Variants in DISP1 observed in about 807,000 individuals in gnomAD.
DISP1 encodes the protein protein dispatched homolog 1.
DISP1 carries 30 observed loss-of-function variants against 37.3 expected under a neutral mutation model. That is an observed-to-expected ratio of 0.80 (90% confidence interval 0.60 to 1.09). The LOEUF (loss-of-function observed/expected upper bound fraction) is 1.09. DISP1 is among the 50% of genes least tolerant of loss of function. DISP1 has a pLI of 0.00. For synonymous variants in DISP1, 634 were observed against 690.2 expected (o/e 0.92, Z 1.28); for missense variants, 1,598 against 1,879.5 (o/e 0.85, Z 2.77).
At chr1:222,984,652 CT>C (rs918155351) in intron 4 of DISP1, among the ~76,000 whole-genome samples, 5 of 151,262 alleles carry the variant, frequency 3.3e-5, no homozygotes, top group Non-Finnish European at 7.4e-5. Context: ...TATATGTTGC[CT>C]TTTAACTATT....
intron 1 of DISP1, among the ~76,000 whole-genome samples, chr1:222,861,925 A>G (rs1668899872): frequency 6.9e-6 from 1 of 144,858 alleles, no homozygotes; most frequent in Non-Finnish European, 1.6e-5. Flanking sequence ...CTACTTCATG[A>G]AAAATGTGTT....
chr1:222,991,441 T>C (rs926998575), intron 5 of DISP1, 79 bp from the exon 6 acceptor site: 1 of 1,574,090 alleles, frequency 6.4e-7, no homozygotes, highest in Non-Finnish European at 8.7e-7. Context: ...CACTTTGACA[T>C]TGCTTTCCCA....
intron 1 of DISP1, among the ~76,000 whole-genome samples, chr1:222,863,636 G>A (rs1227569564): frequency 6.6e-6 from 1 of 151,630 alleles, no homozygotes; most frequent in Non-Finnish European, 1.5e-5. Flanking sequence ...TCTGTCATTC[G>A]ATTCTTCCAC....
At chr1:222,991,387 G>A in intron 5 of DISP1, 133 bp from the exon 6 acceptor site, 3 of 1,038,176 alleles carry the variant, frequency 2.9e-6, no homozygotes, top group Non-Finnish European at 4.5e-6. Flanking sequence ...CACCTCTGGA[G>A]TAGCTGTGAG....
intron 1 of DISP1, among the ~76,000 whole-genome samples, chr1:222,830,744 T>C (rs554172855): frequency 1.3e-5 from 2 of 152,348 alleles, no homozygotes; most frequent in African/African-American, 4.8e-5. Context: ...TTGGTTGGTC[T>C]TCCCAACACA....
chr1:222,994,844 T>G (rs1215385441), intron 7 of DISP1, 41 bp from the exon 8 acceptor site: 2 of 1,430,446 alleles, frequency 1.4e-6, no homozygotes, highest in African/African-American at 2.8e-5. Context: ...AATGAATAAT[T>G]TATAAACCTT....
intron 2 of DISP1, among the ~76,000 whole-genome samples, chr1:222,934,671 T>C (rs1001205421): frequency 6.6e-6 from 1 of 152,162 alleles, no homozygotes; most frequent in African/African-American, 2.4e-5. Flanking sequence ...GAAAGATACC[T>C]GATGTGAAGA....
At chr1:222,874,338 G>A (rs1036209660) in intron 1 of DISP1, among the ~76,000 whole-genome samples, 2 of 152,186 alleles carry the variant, frequency 1.3e-5, no homozygotes, top group Non-Finnish European at 2.9e-5. Flanking sequence ...CTAGATTGAG[G>A]AAGTTCTCCT....
chr1:222,972,602 G>A (rs1047957849), intron 3 of DISP1, among the ~76,000 whole-genome samples: 23 of 152,176 alleles, frequency 1.5e-4, no homozygotes, highest in Non-Finnish European at 3.4e-4. Flanking sequence ...TTGACACAAG[G>A]TTTGTTTCCT....
intron 3 of DISP1, among the ~76,000 whole-genome samples, chr1:222,960,574 C>G (rs530180314): frequency 1.3e-5 from 2 of 151,742 alleles, no homozygotes; most frequent in Non-Finnish European, 2.9e-5. Context: ...GAGAGGCAAG[C>G]GCAAAGTAAT....
chr1:222,857,175 T>C (rs1001252362), intron 1 of DISP1, among the ~76,000 whole-genome samples: 1 of 152,166 alleles, frequency 6.6e-6, no homozygotes, highest in Non-Finnish European at 1.5e-5. Flanking sequence ...GAGGATCCCT[T>C]AAGCCTAGAG....
intron 1 of DISP1, among the ~76,000 whole-genome samples, chr1:222,822,567 A>G (rs1402722274): frequency 6.6e-6 from 1 of 152,224 alleles, no homozygotes; most frequent in Non-Finnish European, 1.5e-5. Context: ...TGAATTTTCA[A>G]TGATAATGAT....
chr1:222,839,251 G>GTGAAC (rs1264559352), intron 1 of DISP1, among the ~76,000 whole-genome samples: 1 of 152,142 alleles, frequency 6.6e-6, no homozygotes, highest in Non-Finnish European at 1.5e-5. Context: ...GAACTCTATT[G>GTGAAC]TGAACTGTGC....
At chr1:222,952,294 A>G (rs1675279035) in intron 3 of DISP1, among the ~76,000 whole-genome samples, 1 of 152,196 alleles carries the variant, frequency 6.6e-6, no homozygotes, top group Non-Finnish European at 1.5e-5. Flanking sequence ...GTAGCTACAT[A>G]TTGGACAGCA....
At chr1:222,875,974 T>TG (rs1208039479) in intron 1 of DISP1, among the ~76,000 whole-genome samples, 4 of 146,298 alleles carry the variant, frequency 2.7e-5, no homozygotes, top group Non-Finnish European at 3.1e-5. Context: ...AAAATTTTCC[T>TG]GAAAAAAAAA....
At chr1:222,841,034 A>T (rs1300209055) in intron 1 of DISP1, among the ~76,000 whole-genome samples, 2 of 151,518 alleles carry the variant, frequency 1.3e-5, no homozygotes, top group African/African-American at 4.8e-5. Flanking sequence ...TGTCTTATTT[A>T]TCATTGTGAT....
At chr1:222,981,447 A>T (rs1458192749) in intron 3 of DISP1, among the ~76,000 whole-genome samples, 1 of 152,244 alleles carries the variant, frequency 6.6e-6, no homozygotes, top group Non-Finnish European at 1.5e-5. Flanking sequence ...ATGGGCTTAG[A>T]ATCCATAACG....
chr1:223,003,664 G>A lies in DISP1; in HGVS notation c.2267G>A (p.Arg756Gln), dbSNP rs148437031. The change falls in exon 9 of 9, where the codon CGG (arginine) becomes CAG (glutamine). Residue 756 changes from arginine (R) to glutamine (Q), a missense_variant. Physicochemically the swap from Arg to Gln is conservative, Grantham distance 43. Coordinates refer to ENST00000675850, the MANE Select transcript of DISP1 (RefSeq NM_001377229.1). The surrounding 1 kb of genome is among the most constrained non-coding windows in gnomAD (Gnocchi z 4.3). ...GAGTTATCCGAGTTCCAGGTGTTCC[G>A]GTCGTCCCATCCTTTTGAGCGTTAT... ...SLELSEFQVF[R>Q]SSHPFERYDA... is the part of the protein sequence containing the mutation. 5.4e-4 allele frequency: 866 copies of A among 1,614,038 alleles called. 13 individuals carry two copies. The South Asian group carries it at 7.9e-3, about 15-fold the overall frequency.
chr1:222,817,560 G>A (rs1661557703), intron 1 of DISP1, among the ~76,000 whole-genome samples: 2 of 152,236 alleles, frequency 1.3e-5, no homozygotes, highest in South Asian at 4.1e-4. Flanking sequence ...GGGAAGTACA[G>A]TTTTTGGATG....
Sources: gnomAD v4.1 joint callset for allele counts (sites outside exome capture counted in the v4.1 genomes callset) on GRCh38, gnomAD v4.1.1 for gene constraint, Gnocchi (gnomAD v3.1) non-coding constraint, MANE v1.5 for transcripts, NCBI Gene and HGNC (gene_info 2026-07-23, HGNC 2026-07-21) for gene names.